Variants in NF2 observed in about 807,000 individuals in gnomAD.
NF2 encodes NF2, moesin-ezrin-radixin like (MERLIN) tumor suppressor.
Under a neutral mutation model 83.7 loss-of-function variants are expected in NF2, and 8 were observed. The observed-to-expected ratio is 0.10, with a 90% CI of 0.06 to 0.17. The LOEUF is 0.17. Ranked by LOEUF, NF2 falls within the 10% of genes least tolerant of loss-of-function variation. NF2 has a pLI of 1.00. For missense variants in NF2, 533 were observed against 744.4 expected, an observed-to-expected ratio of 0.72 and a Z score of 3.31; for synonymous variants, 266 against 269.6, an observed-to-expected ratio of 0.99 and a Z score of 0.13.
intron 1 of NF2, among the ~76,000 whole-genome samples, chr22:29,634,131 C>G (rs1272274888): frequency 6.6e-6 from 1 of 152,172 alleles, no homozygotes; most frequent in Non-Finnish European, 1.5e-5. Context: ...GTGAAAAAGG[C>G]CAGTGTATGC....
At chr22:29,688,381 A>G (rs191311146) in intron 15 of NF2, among the ~76,000 whole-genome samples, 4 of 152,324 alleles carry the variant, frequency 2.6e-5, no homozygotes, top group Middle Eastern at 3.4e-3. Context: ...GCCAGATGCA[A>G]ACTCGTTCTG....
At chr22:29,624,919 C>CTCTCTCTCTTTCTT (rs2065322195) in intron 1 of NF2, among the ~76,000 whole-genome samples, 1 of 144,030 alleles carries the variant, frequency 6.9e-6, no homozygotes. Context: ...CTCTCTCTCT[C>CTCTCTCTCTTTCTT]TCTTTCTTTC....
intron 1 of NF2, among the ~76,000 whole-genome samples, chr22:29,609,741 C>T (rs1474586661): frequency 1.3e-5 from 2 of 152,036 alleles, no homozygotes; most frequent in African/African-American, 4.8e-5. Flanking sequence ...TTATTGAGAG[C>T]CTTGATTTTT....
In NF2 at chr22:29,656,541, A is replaced by G. The variant is rs192067213; in HGVS notation, c.599+865A>G. Among the ~76,000 whole-genome samples the G allele has an allele frequency of 8.6e-3, 1,291 of 150,220 alleles. 16 individuals carry two copies. The highest frequency in any genetic ancestry group is 0.03 in the African/African-American group (1,229 of 40,842). On this transcript the variant is annotated intron_variant, in intron 6 of 15. Transcript: ENST00000338641. The stretch of plus-strand genomic sequence containing the variant: ...ATTCTCCTGCCTCAGCCTCCCGAGT[A>G]GCTGGGACTACAGGCACCCGCCACC...
intron 3 of NF2, among the ~76,000 whole-genome samples, chr22:29,639,518 AG>A (rs1411418514): frequency 3.3e-5 from 5 of 152,212 alleles, no homozygotes; most frequent in African/African-American, 1.2e-4. Context: ...AGTACTCAAT[AG>A]TTTCAAAGGA....
At chr22:29,608,675 GA>G (rs771671779) in intron 1 of NF2, among the ~76,000 whole-genome samples, 1,297 of 115,570 alleles carry the variant, frequency 0.011, 13 homozygotes, top group African/African-American at 0.032. Context: ...TCCCTGCCCT[GA>G]AAAAAAAAAA....
chr22:29,618,018 G>T (rs2065122168), intron 1 of NF2, among the ~76,000 whole-genome samples: 1 of 152,196 alleles, frequency 6.6e-6, no homozygotes, highest in African/African-American at 2.4e-5. Flanking sequence ...CTGGCAGAAA[G>T]GAAGATATAG....
chr22:29,669,578 C>T (rs778323151), intron 10 of NF2, among the ~76,000 whole-genome samples: 5 of 152,182 alleles, frequency 3.3e-5, no homozygotes, highest in Non-Finnish European at 7.3e-5. Flanking sequence ...AGGAGGAGAG[C>T]TTTCTTTGAC....
At chr22:29,649,066 T>C (rs1464986603) in intron 4 of NF2, among the ~76,000 whole-genome samples, 1 of 152,138 alleles carries the variant, frequency 6.6e-6, no homozygotes, top group Non-Finnish European at 1.5e-5. Context: ...ATATGGATAA[T>C]ATCTCTCTAT....
intron 15 of NF2, chr22:29,683,825 T>C: frequency 9.4e-7 from 1 of 1,059,708 alleles, no homozygotes; most frequent in Non-Finnish European, 1.1e-6. Context: ...GTTTGCTGCT[T>C]TTCTCCTGCA....
intron 14 of NF2, 103 bp downstream of exon 14, chr22:29,678,426 G>T: frequency 7.3e-7 from 1 of 1,370,786 alleles, no homozygotes; most frequent in South Asian, 1.2e-5. Context: ...GCAGCAGCCT[G>T]TCATTACTCC....
intron 9 of NF2, 25 bp from the exon 10 acceptor site, chr22:29,668,307 CT>C (rs2147051402): frequency 1.3e-6 from 2 of 1,579,472 alleles, no homozygotes; most frequent in Non-Finnish European, 1.7e-6. Flanking sequence ...GGATATTAAC[CT>C]TTTTGTCTGC....
intron 1 of NF2, chr22:29,609,363 C>T: frequency 1.6e-6 from 1 of 619,916 alleles, no homozygotes; most frequent in Non-Finnish European, 3.1e-6. Context: ...GATCCTGACA[C>T]TGTCCATAGG....
chr22:29,665,755 GAA>G (rs555450815), intron 9 of NF2, among the ~76,000 whole-genome samples: 4 of 104,916 alleles, frequency 3.8e-5, no homozygotes, highest in Non-Finnish European at 2.0e-5. Context: ...ACAAGGTCAG[GAA>G]AAAAAAAAAA....
intron 7 of NF2, among the ~76,000 whole-genome samples, chr22:29,660,935 G>A (rs2066460546): frequency 6.6e-6 from 1 of 152,222 alleles, no homozygotes; most frequent in South Asian, 2.1e-4. Flanking sequence ...CAACACTTAT[G>A]TTACTCTTCC....
rs1053865738 is a variant in NF2, at chr22:29,636,595, G to T, written c.115-156G>T. Reference sequence around the variant, plus strand: ...TTGGTATTTTCCCACTCATGGGTTTGTAAAGGAAGCTTTAAAATTATTTAG... The same window carrying T: ...TTGGTATTTTCCCACTCATGGGTTTTTAAAGGAAGCTTTAAAATTATTTAG... On this transcript the variant is annotated intron_variant, in intron 1 of 15. Transcript: ENST00000338641. The surrounding 1 kb of genome is among the most constrained non-coding windows in gnomAD (Gnocchi z 4.4). Among the ~76,000 whole-genome samples, 1 of 152,240 alleles carries T rather than the reference G, an allele frequency of 6.6e-6. No individual in the cohort carries two copies. The highest frequency in any genetic ancestry group is 1.5e-5 in the Non-Finnish European group (1 of 68,046).
intron 13 of NF2, among the ~76,000 whole-genome samples, chr22:29,676,753 AGAACTGTG>A (rs2066974432): frequency 6.6e-6 from 1 of 152,258 alleles, no homozygotes; most frequent in South Asian, 2.1e-4. Flanking sequence ...TTCTTATAAT[AGAACTGTG>A]GGGTCAAATT....
intron 3 of NF2, among the ~76,000 whole-genome samples, chr22:29,642,001 G>C (rs527864928): frequency 2.6e-4 from 40 of 152,256 alleles, no homozygotes; most frequent in African/African-American, 9.4e-4. Flanking sequence ...TTTATGCATA[G>C]CCGTCATACC....
At chr22:29,684,053 A>G (rs1266094990) in intron 15 of NF2, 2 of 408,274 alleles carry the variant, frequency 4.9e-6, no homozygotes, top group Non-Finnish European at 6.8e-6. Flanking sequence ...CTTTCTAACA[A>G]AAAGAGATCT....
Sources: allele counts gnomAD v4.1 joint callset (sites outside exome capture counted in the v4.1 genomes callset), GRCh38; gene constraint gnomAD v4.1.1; non-coding constraint Gnocchi (gnomAD v3.1); transcripts MANE v1.5; gene names NCBI Gene and HGNC (gene_info 2026-07-23, HGNC 2026-07-21).